The following WWOX variants were observed in gnomAD, a reference collection of about 807,000 sequenced individuals.
The protein encoded by WWOX is WW domain-containing oxidoreductase.
A neutral mutation model predicts 46.2 loss-of-function variants in WWOX; 69 were observed. The ratio of observed to expected loss-of-function variants is 1.49; its 90% CI spans 1.23 to 1.82. The LOEUF is 1.82. Ranked by LOEUF, WWOX falls within the 40% of genes most tolerant of loss-of-function variation. The probability of loss-of-function intolerance (pLI) is 0.00; values close to 1 mark genes in which losing one functional copy is unlikely to be tolerated. For missense variants in WWOX, 919 were observed against 542.6 expected (o/e 1.69, Z -6.89); for synonymous variants, 359 against 202.6 (o/e 1.77, Z -6.56).
chr16:79,030,851 G>C (rs1362054258), intron 8 of WWOX, among the ~76,000 whole-genome samples: 1 of 152,120 alleles, frequency 6.6e-6, no homozygotes, highest in Non-Finnish European at 1.5e-5. Flanking sequence ...GGGAGGCTGA[G>C]GCAGGAGGAT....
Position 78,698,735 on chromosome 16 carries a change from G to C in WWOX, c.1056+265983G>C, listed in dbSNP as rs892665539. 3.7e-4 allele frequency among the ~76,000 whole-genome samples: 57 copies of C among 152,268 alleles called. 1 individual carries two copies. The highest frequency in any genetic ancestry group is 1.3e-3 in the African/African-American group (56 of 41,556). On this transcript the variant is annotated intron_variant, in intron 8 of 8. Transcript: ENST00000566780. ...ATTCCCCTGTAGTCCCATCTACTAA[G>C]GAGACTGAGGCAGGAGGATTGCTTG...
At chr16:78,302,537 CAAAAT>C (rs1055723927) in intron 5 of WWOX, among the ~76,000 whole-genome samples, 1 of 151,954 alleles carries the variant, frequency 6.6e-6, no homozygotes, top group Non-Finnish European at 1.5e-5. Context: ...GATGTAAAAA[CAAAAT>C]AAAAATGCTG....
intron 8 of WWOX, among the ~76,000 whole-genome samples, chr16:78,880,019 T>C (rs991857270): frequency 1.6e-3 from 238 of 152,304 alleles, no homozygotes; most frequent in African/African-American, 5.6e-3. Flanking sequence ...CAAGAATTTA[T>C]AGTCAAAAGT....
chr16:78,939,372 A>G (rs1438458826), intron 8 of WWOX, among the ~76,000 whole-genome samples: 6 of 152,152 alleles, frequency 3.9e-5, no homozygotes, highest in African/African-American at 7.2e-5. Context: ...TTGCTGGGAT[A>G]CTTTTTAGAA....
At chr16:78,469,584 A>C (rs564024455) in intron 8 of WWOX, among the ~76,000 whole-genome samples, 5 of 152,326 alleles carry the variant, frequency 3.3e-5, no homozygotes, top group Admixed American at 1.3e-4. Context: ...AAAGGGGTCT[A>C]GTTAAGAGAT....
At position 78,750,237 on chromosome 16, in the gene WWOX, G is replaced by A. The variant is rs891312612; in HGVS notation, c.1056+317485G>A. ...AACCCACTGCCCAGGTCAGCTGGTGGGTGATCTCCACTGAACTCCTATTCA... is the reference window on the plus strand; with the variant it reads ...AACCCACTGCCCAGGTCAGCTGGTGAGTGATCTCCACTGAACTCCTATTCA... On this transcript the variant is annotated intron_variant, in intron 8 of 8. Transcript: ENST00000566780. 4.6e-5 allele frequency among the ~76,000 whole-genome samples: 7 copies of A among 152,234 alleles called. No homozygotes were observed. The East Asian group carries it at 9.7e-4, about 21-fold the overall frequency.
chr16:78,731,880 C>A (rs952870934), intron 8 of WWOX, among the ~76,000 whole-genome samples: 6 of 123,046 alleles, frequency 4.9e-5, no homozygotes, highest in Non-Finnish European at 7.9e-5. Context: ...CAGGGTCTTG[C>A]TTTATAGCCC....
chr16:78,844,090 A>C (rs1053555069), intron 8 of WWOX, among the ~76,000 whole-genome samples: 1 of 152,136 alleles, frequency 6.6e-6, no homozygotes. Context: ...TGGAGGTCTA[A>C]GGTGACGCTG....
intron 8 of WWOX, among the ~76,000 whole-genome samples, chr16:78,663,623 G>A (rs1003165770): frequency 1.3e-5 from 2 of 152,096 alleles, no homozygotes; most frequent in South Asian, 2.1e-4. Flanking sequence ...ATCTCTTTAT[G>A]GCATGTCTTA....
intron 8 of WWOX, among the ~76,000 whole-genome samples, chr16:78,857,797 C>G (rs1261240073): frequency 6.6e-6 from 1 of 152,010 alleles, no homozygotes; most frequent in Non-Finnish European, 1.5e-5. Flanking sequence ...AGAACATCTG[C>G]TGTTTATAGG....
chr16:78,788,527 G>A (rs1303612897), intron 8 of WWOX, among the ~76,000 whole-genome samples: 2 of 152,232 alleles, frequency 1.3e-5, no homozygotes, highest in Non-Finnish European at 2.9e-5. Context: ...GGGTTTGGGA[G>A]CTTCCAGATA....
intron 5 of WWOX, among the ~76,000 whole-genome samples, chr16:78,200,782 C>A (rs2036206277): frequency 6.6e-6 from 1 of 151,842 alleles, no homozygotes; most frequent in African/African-American, 2.4e-5. Flanking sequence ...TGTGCTGGAC[C>A]CTGGGTGGAA....
chr16:78,979,189 G>T (rs764625309), intron 8 of WWOX, among the ~76,000 whole-genome samples: 9 of 150,028 alleles, frequency 6.0e-5, no homozygotes, highest in Non-Finnish European at 1.0e-4. Context: ...GGCTTCCCCC[G>T]TTACAAAAAG....
intron 8 of WWOX, among the ~76,000 whole-genome samples, chr16:78,682,765 G>C (rs533252344): frequency 6.6e-6 from 1 of 152,130 alleles, no homozygotes; most frequent in African/African-American, 2.4e-5. Context: ...TCCCCTTCAC[G>C]GTAATTTGGA....
At chr16:78,328,936 A>G (rs569055049) in intron 5 of WWOX, among the ~76,000 whole-genome samples, 1 of 151,844 alleles carries the variant, frequency 6.6e-6, no homozygotes, top group East Asian at 1.9e-4. Context: ...ATCTCAGCTC[A>G]CTGCAGCCTC....
intron 8 of WWOX, among the ~76,000 whole-genome samples, chr16:78,959,196 C>G: frequency 6.6e-6 from 1 of 152,160 alleles, no homozygotes; most frequent in East Asian, 1.9e-4. Flanking sequence ...CGTCAAGGTT[C>G]TCGTTCTTCT....
chr16:79,080,188 C>T (rs1404835333), intron 8 of WWOX, among the ~76,000 whole-genome samples: 2 of 152,118 alleles, frequency 1.3e-5, no homozygotes, highest in Non-Finnish European at 2.9e-5. Flanking sequence ...CCAGAGAATC[C>T]CGTGGAATCC....
At chr16:78,885,794 C>A (rs181570231) in intron 8 of WWOX, among the ~76,000 whole-genome samples, 1 of 151,970 alleles carries the variant, frequency 6.6e-6, no homozygotes, top group South Asian at 2.1e-4. Flanking sequence ...TCGGATTCTT[C>A]CCCCTTCTTA....
intron 8 of WWOX, among the ~76,000 whole-genome samples, chr16:78,565,489 T>A (rs905573093): frequency 1.3e-5 from 2 of 152,188 alleles, no homozygotes; most frequent in Non-Finnish European, 2.9e-5. Flanking sequence ...TCTTCCGTTG[T>A]CCCATCACAT....
Sources: allele counts gnomAD v4.1 joint callset (sites outside exome capture counted in the v4.1 genomes callset), GRCh38; gene constraint gnomAD v4.1.1; transcripts MANE v1.5; gene names NCBI Gene and HGNC (gene_info 2026-07-23, HGNC 2026-07-21).